ERCC8: variants seen among roughly 807,000 people sequenced by gnomAD.
ERCC8 encodes the protein ERCC excision repair 8, CSA ubiquitin ligase complex subunit.
ERCC8 carries 52 observed loss-of-function variants against 54.9 expected under a neutral mutation model. The observed-to-expected ratio is 0.95, with a 90% confidence interval of 0.76 to 1.19. ERCC8 has a LOEUF of 1.19. ERCC8 is among the 50% of genes most tolerant of loss of function. The probability of loss-of-function intolerance (pLI) is 0.00; values close to 1 mark genes in which losing one functional copy is unlikely to be tolerated. For missense variants in ERCC8, 514 were observed against 466.1 expected (o/e 1.10, Z -0.95); for synonymous variants, 146 against 157.2 (o/e 0.93, Z 0.53).
chr5:60,870,355 G>A lies in ERCC8; in HGVS notation c.*4260C>T, dbSNP rs141503205. On this transcript the variant is annotated 3_prime_UTR_variant, in exon 12 of 12. Coordinates refer to ENST00000676185, the MANE Select transcript of ERCC8 (RefSeq NM_000082.4). ...AAGATAAGACAATGAAAGAGAAGTC[G>A]AAGTCAGGCCCGGCACGGTGGCTCA... Among the ~76,000 whole-genome samples the A allele has an allele frequency of 9.4e-3, 1,426 of 151,646 alleles. 9 individuals carry two copies. The highest frequency in any genetic ancestry group is 0.014 in the Non-Finnish European group (946 of 67,842).
chr5:60,910,493 T>G (rs992477009), intron 4 of ERCC8, among the ~76,000 whole-genome samples: 2 of 152,204 alleles, frequency 1.3e-5, no homozygotes, highest in Non-Finnish European at 2.9e-5. Flanking sequence ...TTTATCACAC[T>G]GAACCTTTTA....
chr5:60,894,574 A>G (rs954329160), intron 9 of ERCC8, among the ~76,000 whole-genome samples: 1 of 151,802 alleles, frequency 6.6e-6, no homozygotes, highest in Admixed American at 6.6e-5. Flanking sequence ...CTTGTACTCC[A>G]AAGGTGTAGT....
chr5:60,922,213 T>C (rs533194792), intron 2 of ERCC8, 58 bp from the exon 3 acceptor site: 1 of 1,140,346 alleles, frequency 8.8e-7, no homozygotes, highest in Admixed American at 1.7e-5. Flanking sequence ...AGTCCATTTA[T>C]TTATGATTGC....
At chr5:60,935,329 C>T (rs894025039) in intron 1 of ERCC8, among the ~76,000 whole-genome samples, 1 of 151,972 alleles carries the variant, frequency 6.6e-6, no homozygotes, top group African/African-American at 2.4e-5. Context: ...TTGATTTGAT[C>T]CTCAGCTTGG....
In ERCC8 at chr5:60,869,750, A is replaced by G. The variant is rs1747823885; in HGVS notation, c.*4865T>C. ...TATGTTAATAAAATGTGCATTTATTATTTCTACATATTTTTTTAAAACTAG... is the reference window on the plus strand; with the variant it reads ...TATGTTAATAAAATGTGCATTTATTGTTTCTACATATTTTTTTAAAACTAG... On this transcript the variant is annotated 3_prime_UTR_variant, in exon 12 of 12. Transcript: ENST00000676185. Among the ~76,000 whole-genome samples the G allele has an allele frequency of 6.6e-6, 1 of 152,220 alleles. No individual in the cohort carries two copies. Among genetic ancestry groups the G allele is most frequent in the Non-Finnish European group, 1.5e-5 (1 of 68,018 alleles).
chr5:60,919,093 G>C (rs1430578115), intron 3 of ERCC8, among the ~76,000 whole-genome samples: 1 of 152,028 alleles, frequency 6.6e-6, no homozygotes, highest in African/African-American at 2.4e-5. Context: ...ATGAGACGAA[G>C]AGGGAAATTT....
intron 4 of ERCC8, among the ~76,000 whole-genome samples, chr5:60,914,228 G>A (rs917056360): frequency 6.6e-6 from 1 of 152,052 alleles, no homozygotes; most frequent in Non-Finnish European, 1.5e-5. Flanking sequence ...GGGAGTCTAA[G>A]TCTCCTTGTA....
At chr5:60,904,071 TATTGGTA>T (rs1303795386) in intron 5 of ERCC8, among the ~76,000 whole-genome samples, 1 of 152,126 alleles carries the variant, frequency 6.6e-6, no homozygotes, top group African/African-American at 2.4e-5. Flanking sequence ...AGGAAATTTG[TATTGGTA>T]AATGTGTATG....
chr5:60,922,279 A>C, intron 2 of ERCC8, 124 bp from the exon 3 acceptor site: 1 of 609,636 alleles, frequency 1.6e-6, no homozygotes, highest in South Asian at 2.1e-5. Context: ...ACATTAATTT[A>C]TAATAAGTTA....
chr5:60,899,781 C>A, intron 7 of ERCC8, 54 bp from the exon 8 acceptor site: 1 of 1,249,014 alleles, frequency 8.0e-7, no homozygotes, highest in Non-Finnish European at 1.2e-6. Flanking sequence ...ATGACTGTAC[C>A]CCTCACCCAC....
At chr5:60,887,139 C>G (rs1054874888) in intron 11 of ERCC8, among the ~76,000 whole-genome samples, 5 of 152,048 alleles carry the variant, frequency 3.3e-5, no homozygotes, top group Non-Finnish European at 1.5e-5. Context: ...ATTTTATGTT[C>G]TTCTTTTGAT....
intron 11 of ERCC8, among the ~76,000 whole-genome samples, chr5:60,886,323 C>T (rs1024541118): frequency 6.6e-5 from 10 of 152,094 alleles, no homozygotes; most frequent in African/African-American, 2.4e-4. Flanking sequence ...CACTGTCATG[C>T]TTATACTGAT....
At chr5:60,927,017 T>TTCAAG (rs1311105896) in intron 2 of ERCC8, among the ~76,000 whole-genome samples, 2 of 152,170 alleles carry the variant, frequency 1.3e-5, no homozygotes, top group Non-Finnish European at 2.9e-5. Flanking sequence ...GGTTTCATGT[T>TTCAAG]TTTATATAGA....
In ERCC8 at chr5:60,874,623, C is replaced by T. The variant is rs1450986229; in HGVS notation, c.1183G>A (p.Glu395Lys). The change falls in exon 12 of 12, where the codon GAA (glutamate) becomes AAA (lysine). Residue 395 changes from glutamate to lysine, a missense_variant. Glu to Lys is a moderately conservative substitution (Grantham distance 56). Coordinates refer to ENST00000676185, the MANE Select transcript of ERCC8 (RefSeq NM_000082.4). Reference protein sequence around the residue: ...FEDAWSSSDEEG With the variant: ...FEDAWSSSDEKG ...GGTACTAAAGATGATATTCATCCTT[C>T]TTCATCACTGCTGCTCCAGGCATCT... is the stretch of plus-strand genomic sequence containing the variant. 1 of 1,613,158 alleles carries T rather than the reference C, an allele frequency of 6.2e-7. No individual in the cohort carries two copies. Among genetic ancestry groups the T allele is most frequent in the Non-Finnish European group, 8.5e-7 (1 of 1,179,684 alleles).
rs1747846677 is a variant in ERCC8 at position 60,870,747 on chromosome 5, A to C, written c.*3868T>G. Among the ~76,000 whole-genome samples, 1 of 151,962 alleles carries C rather than the reference A, an allele frequency of 6.6e-6. No individual in the cohort carries two copies. The highest frequency in any genetic ancestry group is 6.6e-5 in the Admixed American group (1 of 15,254). On this transcript the variant is annotated 3_prime_UTR_variant, in exon 12 of 12. Coordinates refer to ENST00000676185, the MANE Select transcript of ERCC8 (RefSeq NM_000082.4). ...ATAATCCAAAAAAGAAGAAGGAAAA[A>C]GGAGAAGCAACAATTAGACAAATAT... is the stretch of plus-strand genomic sequence containing the variant.
chr5:60,889,741 T>G (rs1324519618), intron 10 of ERCC8, among the ~76,000 whole-genome samples: 1 of 152,232 alleles, frequency 6.6e-6, no homozygotes, highest in Non-Finnish European at 1.5e-5. Context: ...GGAGGGACAA[T>G]GTTTTAAGAA....
At chr5:60,886,681 G>A (rs779219481) in intron 11 of ERCC8, among the ~76,000 whole-genome samples, 5 of 148,328 alleles carry the variant, frequency 3.4e-5, no homozygotes, top group Non-Finnish European at 5.9e-5. Flanking sequence ...CAGCCTGGGC[G>A]ACAGATTGAG....
At chr5:60,918,149 T>C (rs2112516376) in intron 4 of ERCC8, 116 bp downstream of exon 4, 1 of 827,430 alleles carries the variant, frequency 1.2e-6, no homozygotes, top group East Asian at 2.5e-5. Context: ...TTAACCACTG[T>C]ACTGCTTTCA....
chr5:60,929,179 G>A lies in ERCC8; in HGVS notation c.78-220C>T, dbSNP rs1436553558. 3.9e-5 allele frequency among the ~76,000 whole-genome samples: 6 copies of A among 152,180 alleles called. 1 individual carries two copies. The highest frequency in any genetic ancestry group is 2.6e-4 in the Admixed American group (4 of 15,292). ...CAAACTTTTAAAGGTATTTAAAGACGGAAATTTGTACGAAAAAAGTTAAAT... is the reference window on the plus strand; with the variant it reads ...CAAACTTTTAAAGGTATTTAAAGACAGAAATTTGTACGAAAAAAGTTAAAT... On this transcript the variant is annotated intron_variant, in intron 1 of 11. Transcript: ENST00000676185.
Sources: gnomAD v4.1 joint callset for allele counts (sites outside exome capture counted in the v4.1 genomes callset) on GRCh38, gnomAD v4.1.1 for gene constraint, MANE v1.5 for transcripts, NCBI Gene and HGNC (gene_info 2026-07-23, HGNC 2026-07-21) for gene names.